DCUN1D5: variants seen among roughly 807,000 people sequenced by gnomAD.
The protein encoded by DCUN1D5 is DCN1-like protein 5.
In DCUN1D5, 10 loss-of-function variants were observed where a neutral mutation model predicts 38.3. That is an observed-to-expected ratio of 0.26 (90% CI 0.16 to 0.44). The LOEUF (loss-of-function observed/expected upper bound fraction) is 0.44, where lower values mean the gene tolerates loss of function less well. Ranked by LOEUF, DCUN1D5 falls within the 20% of genes least tolerant of loss-of-function variation. The pLI is 1.00. For missense variants in DCUN1D5, 148 were observed against 275.3 expected (o/e 0.54, Z 3.27); for synonymous variants, 93 against 90.9 (o/e 1.02, Z -0.13).
At chr11:103,088,787 T>G (rs1371597719) in intron 2 of DCUN1D5, among the ~76,000 whole-genome samples, 4 of 152,224 alleles carry the variant, frequency 2.6e-5, no homozygotes, top group Admixed American at 1.3e-4. Flanking sequence ...GGTTTAAATC[T>G]TTTACTATGT....
At chr11:103,080,069 G>A (rs925216816) in intron 4 of DCUN1D5, 1 of 152,114 alleles carries the variant, frequency 6.6e-6, no homozygotes, top group Non-Finnish European at 1.5e-5. Flanking sequence ...CAATATAGAT[G>A]ACTAATCATG....
intron 1 of DCUN1D5, 105 bp from the exon 2 acceptor site, chr11:103,089,423 T>TG (rs1862797453): frequency 3.9e-6 from 4 of 1,022,658 alleles, no homozygotes; most frequent in Non-Finnish European, 5.5e-6. Context: ...AAAGGTTTTT[T>TG]TTTTCTTCGG....
In DCUN1D5 at chr11:103,092,118, AGATAACGCG is replaced by A. The variant is rs1862890659; in HGVS notation, c.-255_-247del. 2.1e-6 allele frequency: 1 copy of A among 470,654 alleles called. No individual in the cohort carries two copies. The highest frequency in any genetic ancestry group is 3.1e-5 in the South Asian group (1 of 32,682). 29.2% of individuals were successfully genotyped at this position (470,654 alleles called of 1,614,324 possible). ...ACTGCGGTTCGTTCTCACCGGGAGG[AGATAACGCG>A]GACAGCGCGGCAGCTCCACCAGTCA... On this transcript the variant is annotated 5_prime_UTR_variant, in exon 1 of 8. Transcript: ENST00000260247.
rs529989670 is a variant in DCUN1D5, at chr11:103,077,286, T to A, written c.341+5462A>T. Among the ~76,000 whole-genome samples, 1 of 152,170 alleles carries A rather than the reference T, an allele frequency of 6.6e-6. No homozygotes were observed. Among genetic ancestry groups the A allele is most frequent in the East Asian group, 1.9e-4 (1 of 5,168 alleles). On this transcript the variant is annotated intron_variant, in intron 4 of 7. Coordinates refer to ENST00000260247, the MANE Select transcript of DCUN1D5 (RefSeq NM_032299.4). The surrounding 1 kb of genome is among the most constrained non-coding windows in gnomAD (Gnocchi z 4.3). The stretch of plus-strand genomic sequence containing the variant: ...GTGAACACATCTGGCAAAACCAACA[T>A]ACCGAAGCAGTTACTAACAGCAATA...
chr11:103,051,319 A>T lies in DCUN1D5; in HGVS notation c.*11040T>A, dbSNP rs566415932. On this transcript the variant is annotated 3_prime_UTR_variant, in exon 8 of 8. Transcript: ENST00000260247. ...CATCCATCCTTCAGGAAACTTTTTT[A>T]AAAAAAGATTTTCTGCATGGTTTAT... 8 of 152,262 alleles carry T rather than the reference A, an allele frequency of 5.3e-5. No individual in the cohort carries two copies. The highest frequency in any genetic ancestry group is 4.1e-4 in the South Asian group (2 of 4,824). The allele number at this position is 152,262 out of a possible 1,614,324, so 9.4% of individuals were successfully genotyped here.
In DCUN1D5 at chr11:103,083,389, T is replaced by A; in HGVS notation, c.179-63A>T. ...TATCAACATAAAACATAAATCGTCA[T>A]GCTAAAGGTACCCATGAACACACCA... On this transcript the variant is annotated intron_variant, in intron 2 of 7. Transcript: ENST00000260247. This position sits in a 1 kb window ranked among gnomAD's most constrained non-coding sequence, Gnocchi z 4.4. 1 of 933,404 alleles carries A rather than the reference T, an allele frequency of 1.1e-6. No individual in the cohort carries two copies. The highest frequency in any genetic ancestry group is 1.7e-6 in the Non-Finnish European group (1 of 578,048). 57.8% of individuals were successfully genotyped at this position (933,404 alleles called of 1,614,324 possible).
In DCUN1D5 at chr11:103,056,066, T is replaced by G. The variant is rs551110092; in HGVS notation, c.*6293A>C. On this transcript the variant is annotated 3_prime_UTR_variant, in exon 8 of 8. Coordinates refer to ENST00000260247, the MANE Select transcript of DCUN1D5 (RefSeq NM_032299.4). The surrounding 1 kb of genome is among the most constrained non-coding windows in gnomAD (Gnocchi z 4.9). ...TGCTACCACCAAAATACATTCAGAA[T>G]CTGACCACTTATTATTTCCATTACT... 2.0e-5 allele frequency among the ~76,000 whole-genome samples: 3 copies of G among 152,192 alleles called. No homozygotes were observed. The highest frequency in any genetic ancestry group is 4.4e-5 in the Non-Finnish European group (3 of 68,022).
In DCUN1D5 at chr11:103,061,085, CAAT is replaced by C. The variant is rs1243865034; in HGVS notation, c.*1271_*1273del. Among the ~76,000 whole-genome samples the C allele has an allele frequency of 1.3e-5, 2 of 151,976 alleles. No homozygotes were observed. Among genetic ancestry groups the C allele is most frequent in the African/African-American group, 4.8e-5 (2 of 41,384 alleles). On this transcript the variant is annotated 3_prime_UTR_variant, in exon 8 of 8. Coordinates refer to ENST00000260247, the MANE Select transcript of DCUN1D5 (RefSeq NM_032299.4). ...CCCAGCTGATTAACTAAAAAGCAAACAATAAAACACTTTAAAATGTCATTCTCT... is the reference window on the plus strand; with the variant it reads ...CCCAGCTGATTAACTAAAAAGCAAACAAAACACTTTAAAATGTCATTCTCT...
chr11:103,060,978 TCCCAC>T lies in DCUN1D5; in HGVS notation c.*1376_*1380del, dbSNP rs1270742561. ...CTATAAGACATTTAGGAAAACTGTC[TCCCAC>T]TATTATGGGTGTTTCAGAAAACTGT... On this transcript the variant is annotated 3_prime_UTR_variant, in exon 8 of 8. Transcript: ENST00000260247. Among the ~76,000 whole-genome samples the T allele has an allele frequency of 6.6e-6, 1 of 152,158 alleles. No individual in the cohort carries two copies. Among genetic ancestry groups the T allele is most frequent in the Non-Finnish European group, 1.5e-5 (1 of 68,008 alleles).
Position 103,083,640 on chromosome 11 carries a change from C to G in DCUN1D5, c.179-314G>C, listed in dbSNP as rs1036535032. Among the ~76,000 whole-genome samples, 2 of 151,540 alleles carry G rather than the reference C, an allele frequency of 1.3e-5. No individual in the cohort carries two copies. The highest frequency in any genetic ancestry group is 2.1e-4 in the South Asian group (1 of 4,800). On this transcript the variant is annotated intron_variant, in intron 2 of 7. Coordinates refer to ENST00000260247, the MANE Select transcript of DCUN1D5 (RefSeq NM_032299.4). The surrounding 1 kb of genome is among the most constrained non-coding windows in gnomAD (Gnocchi z 4.4). ...CATTAAAAAAAAAATTCACTGAGAG[C>G]CTACTCTGAATAAAATTTTTGACAA...
rs1294996719 is a variant in DCUN1D5, at chr11:103,054,333, T to A, written c.*8026A>T. On this transcript the variant is annotated 3_prime_UTR_variant, in exon 8 of 8. Transcript: ENST00000260247. The stretch of plus-strand genomic sequence containing the variant: ...CGTGTTAATAGGAAAAGCATCTCTC[T>A]AAGGGTAAAAATGTGAAAATAAGTT... 1 of 152,112 alleles carries A rather than the reference T, an allele frequency of 6.6e-6. No individual in the cohort carries two copies. The highest frequency in any genetic ancestry group is 1.9e-4 in the East Asian group (1 of 5,200). The allele number at this position is 152,112 out of a possible 1,614,324, so 9.4% of individuals were successfully genotyped here.
In DCUN1D5 at chr11:103,058,430, TC is replaced by T. The variant is rs1262589417; in HGVS notation, c.*3928del. 6.6e-6 allele frequency among the ~76,000 whole-genome samples: 1 copy of T among 152,166 alleles called. No individual in the cohort carries two copies. The highest frequency in any genetic ancestry group is 2.4e-5 in the African/African-American group (1 of 41,444). On this transcript the variant is annotated 3_prime_UTR_variant, in exon 8 of 8. Transcript: ENST00000260247. ...TGCTTTAAAAGATCTAAAGATTTGT[TC>T]CAGTGAAGTACAAGTTCACTAGAAA...
chr11:103,068,885 GCTTTC>G (rs1862202002), intron 4 of DCUN1D5, among the ~76,000 whole-genome samples: 1 of 151,820 alleles, frequency 6.6e-6, no homozygotes, highest in African/African-American at 2.4e-5. Context: ...GCATATTTTT[GCTTTC>G]AGTATTTACT....
In DCUN1D5 at chr11:103,054,985, G is replaced by C. The variant is rs572378; in HGVS notation, c.*7374C>G. 6.6e-6 allele frequency: 1 copy of C among 151,974 alleles called. No individual in the cohort carries two copies. Among genetic ancestry groups the C allele is most frequent in the Non-Finnish European group, 1.5e-5 (1 of 67,942 alleles). The allele number at this position is 151,974 out of a possible 1,614,324, so 9.4% of individuals were successfully genotyped here. A position where few individuals can be genotyped will look rare whatever the true frequency, so the allele number is the denominator to read the frequency against. On this transcript the variant is annotated 3_prime_UTR_variant, in exon 8 of 8. Coordinates refer to ENST00000260247, the MANE Select transcript of DCUN1D5 (RefSeq NM_032299.4). Reference sequence around the variant, plus strand: ...CTCTTATCCAAAATGCTTGGGACCGGAAGTGTTTTAGATTTCTTTTTTTTG... The same window carrying C: ...CTCTTATCCAAAATGCTTGGGACCGCAAGTGTTTTAGATTTCTTTTTTTTG...
chr11:103,066,019 C>T lies in DCUN1D5; in HGVS notation c.555+250G>A, dbSNP rs564497257. Among the ~76,000 whole-genome samples the T allele has an allele frequency of 5.3e-5, 8 of 151,558 alleles. No homozygotes were observed. In the South Asian group the frequency reaches 1.7e-3, roughly 32 times the overall value. ...TTCTGCAAGACAAATGTCTGTGATA[C>T]AATGTATTTCTTGGAGGTTTCTTTT... is the stretch of plus-strand genomic sequence containing the variant. On this transcript the variant is annotated intron_variant, in intron 6 of 7. Coordinates refer to ENST00000260247, the MANE Select transcript of DCUN1D5 (RefSeq NM_032299.4). The surrounding 1 kb of genome is among the most constrained non-coding windows in gnomAD (Gnocchi z 4.7).
At position 103,091,991 on chromosome 11, in the gene DCUN1D5, C is replaced by G. The variant is rs1177157902; in HGVS notation, c.-119G>C. On this transcript the variant is annotated 5_prime_UTR_variant, in exon 1 of 8. Coordinates refer to ENST00000260247, the MANE Select transcript of DCUN1D5 (RefSeq NM_032299.4). This position sits in a 1 kb window ranked among gnomAD's most constrained non-coding sequence, Gnocchi z 4.3. ...ACAGCAGCAAGCGGAGGAGCAGAGT[C>G]GCCAGCCCGCACCGGCGCGGCCCAG... The G allele has an allele frequency of 1.1e-6, 1 of 940,262 alleles. No homozygotes were observed. Among genetic ancestry groups the G allele is most frequent in the East Asian group, 2.7e-5 (1 of 37,150 alleles). The allele number at this position is 940,262 out of a possible 1,614,324, so 58.2% of individuals were successfully genotyped here. A position where few individuals can be genotyped will look rare whatever the true frequency, so the allele number is the denominator to read the frequency against.
At position 103,058,321 on chromosome 11, in the gene DCUN1D5, T is replaced by C. The variant is rs556499486; in HGVS notation, c.*4038A>G. On this transcript the variant is annotated 3_prime_UTR_variant, in exon 8 of 8. Coordinates refer to ENST00000260247, the MANE Select transcript of DCUN1D5 (RefSeq NM_032299.4). ...GCAAAGGAAACACTATCTGTACTAA[T>C]AGAATGTAAAAGATTGTAAGGTGGA... is the stretch of plus-strand genomic sequence containing the variant. Among the ~76,000 whole-genome samples the C allele has an allele frequency of 1.3e-5, 2 of 152,182 alleles. No homozygotes were observed. The highest frequency in any genetic ancestry group is 2.4e-5 in the African/African-American group (1 of 41,434).
In DCUN1D5 at chr11:103,071,535, T is replaced by G. The variant is rs1862272141; in HGVS notation, c.342-4968A>C. On this transcript the variant is annotated intron_variant, in intron 4 of 7. Transcript: ENST00000260247. This position sits in a 1 kb window ranked among gnomAD's most constrained non-coding sequence, Gnocchi z 4.1. ...ATATCTATATGATCTATAATCTATA[T>G]ATAGATATTTTATATCTATTGATTT... is the stretch of plus-strand genomic sequence containing the variant. 6.7e-6 allele frequency among the ~76,000 whole-genome samples: 1 copy of G among 149,708 alleles called. No homozygotes were observed. The highest frequency in any genetic ancestry group is 1.5e-5 in the Non-Finnish European group (1 of 67,470).
Position 103,086,304 on chromosome 11 carries a change from TTAATAA to T in DCUN1D5, c.178+2917_178+2922del, listed in dbSNP as rs920127461. 6.6e-6 allele frequency among the ~76,000 whole-genome samples: 1 copy of T among 152,236 alleles called. No homozygotes were observed. Among genetic ancestry groups the T allele is most frequent in the Non-Finnish European group, 1.5e-5 (1 of 68,038 alleles). On this transcript the variant is annotated intron_variant, in intron 2 of 7. Transcript: ENST00000260247. This position sits in a 1 kb window ranked among gnomAD's most constrained non-coding sequence, Gnocchi z 4.1. ...CTGATGCTGTAATGCTATTACTGTT[TTAATAA>T]TAATAACATTTGAGTTCTGACTATA...
Sources: gnomAD v4.1 joint callset for allele counts (sites outside exome capture counted in the v4.1 genomes callset) on GRCh38, gnomAD v4.1.1 for gene constraint, Gnocchi (gnomAD v3.1) non-coding constraint, MANE v1.5 for transcripts, NCBI Gene and HGNC (gene_info 2026-07-23, HGNC 2026-07-21) for gene names.